Variants in GCSAML observed in about 807,000 individuals in gnomAD.
GCSAML encodes the protein germinal center-associated signaling and motility-like protein.
A neutral mutation model predicts 13.0 loss-of-function variants in GCSAML; 9 were observed. That is an observed-to-expected ratio of 0.69 (90% CI 0.42 to 1.21). The LOEUF (loss-of-function observed/expected upper bound fraction) is 1.21. Ranked by LOEUF, GCSAML falls within the 50% of genes most tolerant of loss-of-function variation. The pLI, the probability that GCSAML is intolerant of heterozygous loss-of-function variation, is 0.00. For synonymous variants in GCSAML, 37 were observed against 52.9 expected (o/e 0.70, Z 1.31); for missense variants, 143 against 153.4 (o/e 0.93, Z 0.36).
chr1:247,571,340 G>A (rs1668605369), intron 4 of GCSAML, among the ~76,000 whole-genome samples: 2 of 152,146 alleles, frequency 1.3e-5, no homozygotes, highest in Non-Finnish European at 2.9e-5. Flanking sequence ...GGTGGTACTG[G>A]TTTTTCCTTT....
upstream of GCSAML, among the ~76,000 whole-genome samples, chr1:247,544,447 G>A (rs1445418626): frequency 6.6e-6 from 1 of 152,150 alleles, no homozygotes; most frequent in Non-Finnish European, 1.5e-5. Context: ...CAGGCAAGTG[G>A]TGTCATAAAG....
intron 1 of GCSAML, among the ~76,000 whole-genome samples, chr1:247,524,027 C>T (rs1666555375): frequency 1.3e-5 from 2 of 151,654 alleles, no homozygotes; most frequent in African/African-American, 2.4e-5. Context: ...CACACACACA[C>T]ACTCTGCAGA....
At chr1:247,509,066 AGC>A in intron 1 of GCSAML, among the ~76,000 whole-genome samples, 1 of 152,052 alleles carries the variant, frequency 6.6e-6, no homozygotes, top group South Asian at 2.1e-4. Context: ...TAATGGGAAT[AGC>A]ATTGAATTCT....
intron 2 of GCSAML, among the ~76,000 whole-genome samples, chr1:247,559,283 T>G (rs1205954147): frequency 1.3e-5 from 2 of 152,246 alleles, no homozygotes; most frequent in Non-Finnish European, 2.9e-5. Flanking sequence ...CTGCTTGTTA[T>G]TAGCTGAGAG....
rs558016643 is a variant in GCSAML at position 247,577,003 on chromosome 1, A to T, written c.*2621A>T. 4.6e-5 allele frequency: 7 copies of T among 152,192 alleles called. No homozygotes were observed. The highest frequency in any genetic ancestry group is 4.6e-4 in the Admixed American group (7 of 15,274). The allele number at this position is 152,192 out of a possible 1,614,324, so 9.4% of individuals were successfully genotyped here. On this transcript the variant is annotated 3_prime_UTR_variant, in exon 5 of 5. Transcript: ENST00000366488. Reference sequence around the variant, plus strand: ...GGAACGTTGAAATCCAAGAGCATCAATGTCTTCTGGTGGTTCACCATAAGC... The same window carrying T: ...GGAACGTTGAAATCCAAGAGCATCATTGTCTTCTGGTGGTTCACCATAAGC...
chr1:247,514,530 A>G (rs1376709887), intron 1 of GCSAML, among the ~76,000 whole-genome samples: 1 of 152,224 alleles, frequency 6.6e-6, no homozygotes, highest in East Asian at 1.9e-4. Flanking sequence ...GTTCTTGGTC[A>G]TGAAGTCTTT....
At chr1:247,564,057 C>G (rs1004618177) in intron 3 of GCSAML, among the ~76,000 whole-genome samples, 1 of 152,050 alleles carries the variant, frequency 6.6e-6, no homozygotes, top group Non-Finnish European at 1.5e-5. Context: ...CCTCAGCCTC[C>G]TGAGTAGCAG....
Position 247,515,854 on chromosome 1 carries a change from C to T in GCSAML, c.-263+8621C>T, listed in dbSNP as rs867452997. 2.4e-4 allele frequency among the ~76,000 whole-genome samples: 36 copies of T among 152,320 alleles called. No individual in the cohort carries two copies. The Middle Eastern group carries it at 0.01, about 43-fold the overall frequency. On this transcript the variant is annotated intron_variant, in intron 1 of 5. Transcript: ENST00000366489. ...GATTTGGGTGGGGACACAAATCCAA[C>T]CTGTTATCACACAGTCTTTTCAGTA...
chr1:247,558,088 G>A (rs1171820897), intron 2 of GCSAML, among the ~76,000 whole-genome samples: 9 of 152,186 alleles, frequency 5.9e-5, no homozygotes, highest in African/African-American at 1.4e-4. Context: ...ATTAAATGTC[G>A]TTAGGGTTTT....
At chr1:247,554,490 C>T (rs574584592) in intron 1 of GCSAML, among the ~76,000 whole-genome samples, 50 of 152,078 alleles carry the variant, frequency 3.3e-4, no homozygotes, top group African/African-American at 1.1e-3. Context: ...TTTCTTCTCC[C>T]AACTTCTTAA....
chr1:247,521,365 CGG>C (rs1421578910), intron 1 of GCSAML, among the ~76,000 whole-genome samples: 4 of 51,544 alleles, frequency 7.8e-5, no homozygotes, highest in Non-Finnish European at 1.4e-4. Flanking sequence ...TCCCTCTCCA[CGG>C]TCTCCCTCTC....
chr1:247,553,007 G>A (rs1667830328), intron 1 of GCSAML, among the ~76,000 whole-genome samples: 1 of 152,154 alleles, frequency 6.6e-6, no homozygotes, highest in Non-Finnish European at 1.5e-5. Flanking sequence ...ACCTGCCTCG[G>A]CCTCCTAAAG....
chr1:247,526,729 C>T lies in GCSAML; in HGVS notation c.-262-211C>T. ...CCAGGTTTTCTGTCCTGTGAGAAGC[C>T]ATCAAAGCCTATGGTTGCTGCAAGA... On this transcript the variant is annotated intron_variant, in intron 1 of 5. Coordinates refer to the GCSAML transcript ENST00000366489. The surrounding 1 kb of genome is among the most constrained non-coding windows in gnomAD (Gnocchi z 4.8). The T allele has an allele frequency of 2.8e-6, 1 of 355,890 alleles. No individual in the cohort carries two copies. Among genetic ancestry groups the T allele is most frequent in the Admixed American group, 3.9e-5 (1 of 25,888 alleles). The allele number at this position is 355,890 out of a possible 1,614,324, so 22.0% of individuals were successfully genotyped here. A position where few individuals can be genotyped will look rare whatever the true frequency, so the allele number is the denominator to read the frequency against.
At chr1:247,554,706 T>C (rs1667896040) in intron 1 of GCSAML, among the ~76,000 whole-genome samples, 1 of 152,152 alleles carries the variant, frequency 6.6e-6, no homozygotes, top group African/African-American at 2.4e-5. Flanking sequence ...CCTAGACAGG[T>C]ACACTTTTGG....
chr1:247,551,819 T>C (rs1223847731), intron 1 of GCSAML, among the ~76,000 whole-genome samples: 1 of 152,218 alleles, frequency 6.6e-6, no homozygotes, highest in Non-Finnish European at 1.5e-5. Flanking sequence ...ACAAAAAGGA[T>C]ATGACCTAAT....
intron 1 of GCSAML, among the ~76,000 whole-genome samples, chr1:247,553,428 A>G (rs1187019146): frequency 1.3e-5 from 2 of 152,028 alleles, no homozygotes; most frequent in Admixed American, 6.6e-5. Context: ...ATCATGTTTT[A>G]TAGCATAGTT....
intron 1 of GCSAML, among the ~76,000 whole-genome samples, chr1:247,554,934 C>T (rs778851765): frequency 6.6e-6 from 1 of 152,094 alleles, no homozygotes; most frequent in Admixed American, 6.5e-5. Flanking sequence ...ACATCTAAAG[C>T]TTAATAAAAT....
At chr1:247,541,679 A>G (rs1667416374) in intron 2 of GCSAML, among the ~76,000 whole-genome samples, 1 of 152,180 alleles carries the variant, frequency 6.6e-6, no homozygotes, top group Non-Finnish European at 1.5e-5. Context: ...AGGGATTTCT[A>G]TTTTTAAGAA....
chr1:247,557,975 G>A (rs957866409), intron 2 of GCSAML, among the ~76,000 whole-genome samples: 2 of 152,210 alleles, frequency 1.3e-5, no homozygotes, highest in African/African-American at 4.8e-5. Flanking sequence ...ATCTGCACTA[G>A]ATGTCATTCT....
Sources: gnomAD v4.1 joint callset for allele counts (sites outside exome capture counted in the v4.1 genomes callset) on GRCh38, gnomAD v4.1.1 for gene constraint, Gnocchi (gnomAD v3.1) non-coding constraint, MANE v1.5 for transcripts, NCBI Gene and HGNC (gene_info 2026-07-23, HGNC 2026-07-21) for gene names.